The following SPTBN1 variants were observed in gnomAD, a reference collection of about 807,000 sequenced individuals.
SPTBN1 encodes the protein spectrin beta, non-erythrocytic 1.
In SPTBN1, 32 loss-of-function variants were observed where a neutral mutation model predicts 266.4. The observed-to-expected ratio is 0.12, with a 90% CI of 0.09 to 0.16. The LOEUF is 0.16. SPTBN1 is among the 10% of genes least tolerant of loss of function. SPTBN1 has a pLI of 1.00. For missense variants in SPTBN1, 2,296 were observed against 3,067.1 expected (o/e 0.75, Z 5.94); for synonymous variants, 1,336 against 1,162.2 (o/e 1.15, Z -3.04).
intron 2 of SPTBN1, among the ~76,000 whole-genome samples, chr2:54,534,781 G>A (rs934290468): frequency 6.6e-6 from 1 of 152,146 alleles, no homozygotes; most frequent in African/African-American, 2.4e-5. Context: ...GAGTGATCCA[G>A]GCATGGGAGA....
rs1276821621 is a variant in SPTBN1 at position 54,519,400 on chromosome 2, GT to G, written c.-47-6971del. 6.8e-4 allele frequency among the ~76,000 whole-genome samples: 103 copies of G among 152,334 alleles called. 1 individual carries two copies. Among genetic ancestry groups the G allele is most frequent in the African/African-American group, 2.3e-3 (97 of 41,578 alleles). On this transcript the variant is annotated intron_variant, in intron 1 of 35. Coordinates refer to ENST00000356805, the MANE Select transcript of SPTBN1 (RefSeq NM_003128.3). ...GTGCATGTGGGCACTGTCTAAGGTTGTCTAATTCAGACCAGGTGGTGGTGGT... is the reference window on the plus strand; with the variant it reads ...GTGCATGTGGGCACTGTCTAAGGTTGCTAATTCAGACCAGGTGGTGGTGGT...
intron 2 of SPTBN1, among the ~76,000 whole-genome samples, chr2:54,557,142 T>A (rs1573405620): frequency 6.6e-6 from 1 of 151,486 alleles, no homozygotes; most frequent in Admixed American, 6.6e-5. Context: ...CTGGAAGGAG[T>A]TGGGGGTTGT....
rs1398086496 is a variant in SPTBN1 at position 54,543,491 on chromosome 2, C to T, written c.148+16925C>T. 4.6e-5 allele frequency among the ~76,000 whole-genome samples: 7 copies of T among 152,006 alleles called. No individual in the cohort carries two copies. The East Asian group carries it at 5.8e-4, about 13-fold the overall frequency. ...AAAGGCACATGTTCTGATGGCCTGA[C>T]GACACTGGGGACCTGTGGCTTTGTT... On this transcript the variant is annotated intron_variant, in intron 2 of 35. Coordinates refer to ENST00000356805, the MANE Select transcript of SPTBN1 (RefSeq NM_003128.3).
At chr2:54,480,270 G>C (rs1668032573) in intron 1 of SPTBN1, among the ~76,000 whole-genome samples, 1 of 152,182 alleles carries the variant, frequency 6.6e-6, no homozygotes, top group South Asian at 2.1e-4. Flanking sequence ...TGAGTGGGTG[G>C]GGAGTGGCAA....
chr2:54,618,949 TA>T (rs1357007751), intron 7 of SPTBN1, among the ~76,000 whole-genome samples: 1 of 152,236 alleles, frequency 6.6e-6, no homozygotes, highest in African/African-American at 2.4e-5. Context: ...CCTTGCTTAA[TA>T]AAATCCTAAT....
intron 1 of SPTBN1, among the ~76,000 whole-genome samples, chr2:54,481,427 TG>T (rs1245436863): frequency 0.015 from 1,410 of 94,604 alleles, 37 homozygotes; most frequent in African/African-American, 0.061. Context: ...TGTGTGTGTG[TG>T]TGTGTGTGTG....
chr2:54,602,398 G>A (rs947979795), intron 3 of SPTBN1, among the ~76,000 whole-genome samples: 4 of 152,120 alleles, frequency 2.6e-5, no homozygotes, highest in East Asian at 1.9e-4. Context: ...CCTGGCATAC[G>A]ATAGGCCTGC....
chr2:54,494,630 C>CA lies in SPTBN1; in HGVS notation c.-47-31735dup, dbSNP rs920598546. 3.3e-5 allele frequency among the ~76,000 whole-genome samples: 5 copies of CA among 151,806 alleles called. No individual in the cohort carries two copies. The East Asian group carries it at 5.8e-4, about 18-fold the overall frequency. ...TAATTATACTGGGTAAGCAGCCAGA[C>CA]AAAAAAAGAGTTCTAACTGTATGAT... On this transcript the variant is annotated intron_variant, in intron 1 of 35. Transcript: ENST00000356805.
chr2:54,614,570 A>G (rs867651435), intron 4 of SPTBN1, among the ~76,000 whole-genome samples: 1 of 152,196 alleles, frequency 6.6e-6, no homozygotes, highest in East Asian at 1.9e-4. Context: ...TGGGAGGCCA[A>G]GGTGGGTGGA....
At chr2:54,592,391 T>TTTTTTTTA (rs67696383) in intron 2 of SPTBN1, among the ~76,000 whole-genome samples, 1 of 146,986 alleles carries the variant, frequency 6.8e-6, no homozygotes, top group East Asian at 2.0e-4. Context: ...CTTTTTTCTT[T>TTTTTTTTA]TTTTTTATCT....
chr2:54,597,125 C>T (rs1049286678), intron 2 of SPTBN1, among the ~76,000 whole-genome samples: 7 of 152,172 alleles, frequency 4.6e-5, no homozygotes, highest in Admixed American at 2.0e-4. Flanking sequence ...TCCAGTATAA[C>T]GCATAAAGGA....
At chr2:54,643,596 G>A (rs1679723212) in intron 19 of SPTBN1, among the ~76,000 whole-genome samples, 1 of 152,134 alleles carries the variant, frequency 6.6e-6, no homozygotes, top group African/African-American at 2.4e-5. Context: ...AGAGATTCTG[G>A]GCAGCATAAC....
At chr2:54,594,963 T>G (rs1038033286) in intron 2 of SPTBN1, among the ~76,000 whole-genome samples, 1 of 151,328 alleles carries the variant, frequency 6.6e-6, no homozygotes, top group Non-Finnish European at 1.5e-5. Context: ...GCCTCACAAG[T>G]AGCTGGGATT....
chr2:54,600,686 G>T (rs1676439434), intron 3 of SPTBN1, among the ~76,000 whole-genome samples: 1 of 149,344 alleles, frequency 6.7e-6, no homozygotes, highest in Non-Finnish European at 1.5e-5. Context: ...TTGTTTCTTA[G>T]TGTTTAACCT....
At position 54,470,450 on chromosome 2, in the gene SPTBN1, TAA is replaced by T. The variant is rs755883750; in HGVS notation, c.-48+13934_-48+13935del. Among the ~76,000 whole-genome samples the T allele has an allele frequency of 5.9e-5, 9 of 152,336 alleles. No individual in the cohort carries two copies. The East Asian group carries it at 1.7e-3, about 29-fold the overall frequency. On this transcript the variant is annotated intron_variant, in intron 1 of 35. Transcript: ENST00000356805. ...CTTTTAAAGTCAGTGGTATTTCATGTAAAGAGTGTATCGGTAGCTGGCCTATC... is the reference window on the plus strand; with the variant it reads ...CTTTTAAAGTCAGTGGTATTTCATGTAGAGTGTATCGGTAGCTGGCCTATC...
At position 54,558,402 on chromosome 2, in the gene SPTBN1, C is replaced by G. The variant is rs950436716; in HGVS notation, c.148+31836C>G. 4.0e-5 allele frequency: 41 copies of G among 1,014,116 alleles called. No individual in the cohort carries two copies. The highest frequency in any genetic ancestry group is 1.2e-4 in the Admixed American group (2 of 17,190). 62.8% of individuals were successfully genotyped at this position (1,014,116 alleles called of 1,614,324 possible). The stretch of plus-strand genomic sequence containing the variant: ...GCGGGCAGCTGGGAGGAGGTGTGCG[C>G]GCTGCGCCCGCGAGCTCCCGGGCTC... On this transcript the variant is annotated intron_variant, in intron 2 of 35. Coordinates refer to ENST00000356805, the MANE Select transcript of SPTBN1 (RefSeq NM_003128.3). This position sits in a 1 kb window ranked among gnomAD's most constrained non-coding sequence, Gnocchi z 4.6.
chr2:54,526,688 G>A, intron 2 of SPTBN1, 122 bp downstream of exon 2: 1 of 1,234,212 alleles, frequency 8.1e-7, no homozygotes, highest in Non-Finnish European at 1.1e-6. Context: ...CTATTTAAAT[G>A]TGTCCTTGAG....
At chr2:54,560,033 C>G (rs893939146) in intron 2 of SPTBN1, among the ~76,000 whole-genome samples, 2 of 152,204 alleles carry the variant, frequency 1.3e-5, no homozygotes, top group Non-Finnish European at 2.9e-5. Context: ...GTGCCACATT[C>G]CTCTGGCAGT....
At chr2:54,572,695 A>G (rs566566124) in intron 2 of SPTBN1, among the ~76,000 whole-genome samples, 1 of 152,288 alleles carries the variant, frequency 6.6e-6, no homozygotes, top group South Asian at 2.1e-4. Flanking sequence ...TATGATTTCA[A>G]TTTGGAGGTG....
Sources: allele counts gnomAD v4.1 joint callset (sites outside exome capture counted in the v4.1 genomes callset), GRCh38; gene constraint gnomAD v4.1.1; non-coding constraint Gnocchi (gnomAD v3.1); transcripts MANE v1.5; gene names NCBI Gene and HGNC (gene_info 2026-07-23, HGNC 2026-07-21).